The following PROM1 variants were observed in gnomAD, a reference collection of about 807,000 sequenced individuals.
PROM1 encodes prominin 1, also known as prominin-1.
Under a neutral mutation model 116.9 loss-of-function variants are expected in PROM1, and 105 were observed. That is an observed-to-expected ratio of 0.90 (90% CI 0.77 to 1.06). The LOEUF is 1.06. Ranked by LOEUF, PROM1 falls within the 50% of genes least tolerant of loss-of-function variation. The pLI, the probability that PROM1 is intolerant of heterozygous loss-of-function variation, is 0.00. For synonymous variants in PROM1, 393 were observed against 387.0 expected, an observed-to-expected ratio of 1.02 and a Z score of -0.18; for missense variants, 1,122 against 1,045.2, an observed-to-expected ratio of 1.07 and a Z score of -1.01.
chr4:15,986,114 G>C, intron 20 of PROM1, 77 bp from the exon 21 acceptor site: 1 of 1,063,956 alleles, frequency 9.4e-7, no homozygotes, highest in South Asian at 1.4e-5. Context: ...ATTGATTCAA[G>C]TACTGTAACT....
chr4:16,081,747 T>C (rs1239111159), intron 1 of PROM1, among the ~76,000 whole-genome samples: 1 of 152,186 alleles, frequency 6.6e-6, no homozygotes, highest in East Asian at 1.9e-4. Context: ...ACCAACTTGG[T>C]TTAAAGTTTT....
Position 16,006,686 on chromosome 4 carries a change from G to C in PROM1, c.1306C>G (p.Leu436Val). Residue 436 changes from leucine to valine, a missense_variant, in exon 13 of 28, where the codon CTG (leucine) becomes GTG (valine). By Grantham distance (32) the Leu-to-Val change is conservative. Coordinates refer to ENST00000447510, the MANE Select transcript of PROM1 (RefSeq NM_006017.3). ...AGAGAGCAGATGACCAGGCCACCCA[G>C]CCACCTGGAGAGGCAAGCACAGTGT... Reference protein sequence around the residue: ...TLEEYDSYWWLGGLVICSLLT... With the variant: ...TLEEYDSYWWVGGLVICSLLT... 6.2e-7 allele frequency: 1 copy of C among 1,612,772 alleles called. No homozygotes were observed. The highest frequency in any genetic ancestry group is 8.5e-7 in the Non-Finnish European group (1 of 1,179,520).
intron 23 of PROM1, among the ~76,000 whole-genome samples, chr4:15,981,612 T>C (rs544812809): frequency 6.6e-6 from 1 of 152,104 alleles, no homozygotes; most frequent in East Asian, 1.9e-4. Flanking sequence ...TTAACCCTTC[T>C]GGCTTTGTTC....
intron 2 of PROM1, among the ~76,000 whole-genome samples, chr4:16,052,793 T>C (rs1738198234): frequency 6.6e-6 from 1 of 152,220 alleles, no homozygotes; most frequent in Non-Finnish European, 1.5e-5. Flanking sequence ...AAGTGATTTA[T>C]TAAGGCAAGA....
intron 23 of PROM1, among the ~76,000 whole-genome samples, chr4:15,981,996 A>G (rs1045830869): frequency 6.6e-6 from 1 of 152,200 alleles, no homozygotes; most frequent in African/African-American, 2.4e-5. Flanking sequence ...CACCACTCAC[A>G]TCTGCAAGGT....
rs886819400 is a variant in PROM1, at chr4:15,968,954, C to T, written c.*439G>A. The T allele has an allele frequency of 2.8e-4, 42 of 152,122 alleles. No individual in the cohort carries two copies. Among genetic ancestry groups the T allele is most frequent in the African/African-American group, 7.5e-4 (31 of 41,408 alleles). The allele number at this position is 152,122 out of a possible 1,614,324, so 9.4% of individuals were successfully genotyped here. On this transcript the variant is annotated 3_prime_UTR_variant, in exon 28 of 28. Coordinates refer to ENST00000447510, the MANE Select transcript of PROM1 (RefSeq NM_006017.3). The stretch of plus-strand genomic sequence containing the variant: ...CTGTGGTAACAAAAGGTATATACAC[C>T]GTTTACTGTACACAAAATGCATCTT...
chr4:16,007,081 A>G (rs1725699079), intron 12 of PROM1, among the ~76,000 whole-genome samples: 3 of 152,196 alleles, frequency 2.0e-5, no homozygotes, highest in Admixed American at 2.0e-4. Context: ...CTAAGTGCCT[A>G]TTATAATAAT....
At chr4:15,980,335 C>T in intron 24 of PROM1, 87 bp downstream of exon 24, 1 of 876,818 alleles carries the variant, frequency 1.1e-6, no homozygotes, top group Non-Finnish European at 1.8e-6. Context: ...TCAACTTTAA[C>T]CTCATCAGAA....
intron 1 of PROM1, among the ~76,000 whole-genome samples, chr4:16,076,831 G>C (rs151243050): frequency 0.012 from 1,874 of 152,300 alleles, 110 homozygotes; most frequent in Admixed American, 0.099. Flanking sequence ...GTCCACTCAC[G>C]GTTAAATGGA....
In PROM1 at chr4:16,071,590, G is replaced by A. The variant is rs117220258; in HGVS notation, c.220+4097C>T. Among the ~76,000 whole-genome samples the A allele has an allele frequency of 2.4e-3, 363 of 152,246 alleles. 5 individuals carry two copies. In the East Asian group the frequency reaches 0.039, roughly 16 times the overall value. The stretch of plus-strand genomic sequence containing the variant: ...TTAGTGCCTGATGGGATTAGAGAAA[G>A]AGAAGATATCTTTTCACCCTCTCTC... On this transcript the variant is annotated intron_variant, in intron 2 of 27. Coordinates refer to ENST00000447510, the MANE Select transcript of PROM1 (RefSeq NM_006017.3).
intron 26 of PROM1, among the ~76,000 whole-genome samples, chr4:15,978,598 C>T (rs181242394): frequency 6.6e-6 from 1 of 152,304 alleles, no homozygotes; most frequent in Non-Finnish European, 1.5e-5. Flanking sequence ...GTGGATCTCC[C>T]CCATGCACCA....
chr4:16,078,030 C>T (rs556613281), intron 1 of PROM1: 6 of 152,212 alleles, frequency 3.9e-5, no homozygotes, highest in African/African-American at 1.2e-4. Flanking sequence ...GAAATCTTCA[C>T]CCTAAGTCAC....
chr4:16,027,054 G>A (rs1731475660), intron 5 of PROM1, among the ~76,000 whole-genome samples: 2 of 152,200 alleles, frequency 1.3e-5, no homozygotes, highest in Non-Finnish European at 2.9e-5. Context: ...GTAAAGGAGA[G>A]TAGTACTGGA....
chr4:15,986,515 C>A (rs1429568183), intron 20 of PROM1, among the ~76,000 whole-genome samples: 1 of 152,104 alleles, frequency 6.6e-6, no homozygotes, highest in Non-Finnish European at 1.5e-5. Context: ...GGAAATGGGG[C>A]CTTTTCTGCC....
chr4:16,054,825 C>T (rs192926020), intron 2 of PROM1, among the ~76,000 whole-genome samples: 20 of 152,186 alleles, frequency 1.3e-4, no homozygotes, highest in African/African-American at 4.1e-4. Flanking sequence ...CTATCAAAAC[C>T]CTCCCTATAA....
intron 10 of PROM1, among the ~76,000 whole-genome samples, chr4:16,014,654 G>A (rs960801464): frequency 5.9e-5 from 9 of 152,124 alleles, no homozygotes; most frequent in East Asian, 3.9e-4. Context: ...CAAGCTTAGC[G>A]TTCCAATAAT....
chr4:16,076,056 G>T lies in PROM1; in HGVS notation c.-150C>A. On this transcript the variant is annotated 5_prime_UTR_variant, in exon 2 of 28. Transcript: ENST00000447510. ...AATCTTCAGTTTTCTGTCTGAGGCT[G>T]GCTTGAGGCGAGGGATGCGGAAGAA... The T allele has an allele frequency of 7.1e-7, 1 of 1,415,350 alleles. No homozygotes were observed. Among genetic ancestry groups the T allele is most frequent in the Non-Finnish European group, 9.3e-7 (1 of 1,079,818 alleles). The allele number at this position is 1,415,350 out of a possible 1,614,324, so 87.7% of individuals were successfully genotyped here.
At chr4:16,078,197 T>A (rs1038576981) in intron 1 of PROM1, 2 of 152,242 alleles carry the variant, frequency 1.3e-5, no homozygotes, top group Non-Finnish European at 2.9e-5. Flanking sequence ...CAAGATGGAC[T>A]CTGTCCTACT....
intron 2 of PROM1, among the ~76,000 whole-genome samples, chr4:16,063,239 T>C (rs1215670292): frequency 1.3e-5 from 2 of 152,076 alleles, no homozygotes; most frequent in Non-Finnish European, 2.9e-5. Flanking sequence ...AAAAGCAACG[T>C]GGTTCTTCAA....
Sources: gnomAD v4.1 joint callset for allele counts (sites outside exome capture counted in the v4.1 genomes callset) on GRCh38, gnomAD v4.1.1 for gene constraint, MANE v1.5 for transcripts, NCBI Gene and HGNC (gene_info 2026-07-23, HGNC 2026-07-21) for gene names.